The following TOPBP1 variants were observed in gnomAD, a reference collection of about 807,000 sequenced individuals.
TOPBP1 encodes the protein DNA topoisomerase II binding protein 1, also known as DNA topoisomerase 2-binding protein 1.
A neutral mutation model predicts 167.7 loss-of-function variants in TOPBP1; 28 were observed. That is an observed-to-expected ratio of 0.17 (90% CI 0.12 to 0.23). The LOEUF (loss-of-function observed/expected upper bound fraction) is 0.23. TOPBP1 is among the 10% of genes least tolerant of loss of function. The pLI, the probability that TOPBP1 is intolerant of heterozygous loss-of-function variation, is 1.00. For synonymous variants in TOPBP1, 598 were observed against 611.4 expected (o/e 0.98, Z 0.32); for missense variants, 1,554 against 1,809.6 (o/e 0.86, Z 2.56).
chr3:133,656,221 T>C (rs1936476294), intron 5 of TOPBP1, among the ~76,000 whole-genome samples: 1 of 152,026 alleles, frequency 6.6e-6, no homozygotes, highest in South Asian at 2.1e-4. Flanking sequence ...TCAATTAGCA[T>C]TTATTAAATG....
At chr3:133,647,749 CAG>C (rs1329336211) in intron 10 of TOPBP1, among the ~76,000 whole-genome samples, 5 of 152,014 alleles carry the variant, frequency 3.3e-5, no homozygotes, top group African/African-American at 7.2e-5. Context: ...ATTATTAAAA[CAG>C]AAAATTTAAT....
At chr3:133,653,582 C>T in intron 6 of TOPBP1, 58 bp from the exon 7 acceptor site, 1 of 1,354,892 alleles carries the variant, frequency 7.4e-7, no homozygotes, top group Non-Finnish European at 9.8e-7. Flanking sequence ...AAATGAAAAC[C>T]ATTACAATCT....
rs760258021 is a variant in TOPBP1, at chr3:133,640,087, C to T, written c.2105G>A (p.Gly702Asp). 1 of 1,613,828 alleles carries T rather than the reference C, an allele frequency of 6.2e-7. No homozygotes were observed. Among genetic ancestry groups the T allele is most frequent in the African/African-American group, 1.3e-5 (1 of 75,024 alleles). The change falls in exon 13 of 28, where the codon GGC (glycine) becomes GAC (aspartate). Residue 702 changes from glycine to aspartate, a missense_variant. Coordinates refer to ENST00000260810, the MANE Select transcript of TOPBP1 (RefSeq NM_007027.4). ...STHLILKERG[G>D]SKYEAAKKWN... ...CTTCTTTGCAGCTTCATATTTAGAGCCACCACGTTCTTTCAGTATAAGATG... is the reference window on the plus strand; with the variant it reads ...CTTCTTTGCAGCTTCATATTTAGAGTCACCACGTTCTTTCAGTATAAGATG...
At chr3:133,650,061 T>C (rs1279283135) in intron 8 of TOPBP1, 118 bp from the exon 9 acceptor site, 3 of 838,116 alleles carry the variant, frequency 3.6e-6, no homozygotes, top group East Asian at 3.1e-5. Context: ...ATTTAAGATA[T>C]ATGAATAAAT....
At chr3:133,648,720 C>T (rs1936170549) in intron 10 of TOPBP1, among the ~76,000 whole-genome samples, 1 of 152,130 alleles carries the variant, frequency 6.6e-6, no homozygotes, top group African/African-American at 2.4e-5. Flanking sequence ...ATCACTTGAA[C>T]CTGGGAGGCA....
chr3:133,612,757 AAAGT>A (rs71624022), intron 23 of TOPBP1, among the ~76,000 whole-genome samples: 12,070 of 152,242 alleles, frequency 0.079, 487 homozygotes, highest in Middle Eastern at 0.13. Flanking sequence ...TTTAAATACA[AAAGT>A]AAATAAAATA....
chr3:133,618,052 ATTATTT>A lies in TOPBP1; in HGVS notation c.3592+155_3592+160del, dbSNP rs373462311. ...ACTGATGAAGTACCTCAATTTACAA[ATTATTT>A]TTCTGGCTCAAGTTTAAACCAAAAC... On this transcript the variant is annotated intron_variant, in intron 21 of 27. Transcript: ENST00000260810. 5.4e-4 allele frequency: 334 copies of A among 621,072 alleles called. 6 individuals carry two copies. Among genetic ancestry groups the A allele is most frequent in the African/African-American group, 5.4e-3 (292 of 54,412 alleles). The allele number at this position is 621,072 out of a possible 1,614,324, so 38.5% of individuals were successfully genotyped here.
intron 27 of TOPBP1, among the ~76,000 whole-genome samples, chr3:133,603,318 C>G (rs577626376): frequency 6.6e-6 from 1 of 151,904 alleles, no homozygotes; most frequent in South Asian, 2.1e-4. Context: ...ACAAAAAAAG[C>G]CAAGAAAGAC....
chr3:133,628,499 T>A (rs1415746619), intron 15 of TOPBP1, 28 bp from the exon 16 acceptor site: 1 of 1,605,634 alleles, frequency 6.2e-7, no homozygotes. Flanking sequence ...AAGAAACAGA[T>A]CAGTCATTAT....
rs1936203853 is a variant in TOPBP1 at position 133,649,442 on chromosome 3, T to G, written c.1445A>C (p.Lys482Thr). The change falls in exon 10 of 28, where the codon AAG becomes ACG. Residue 482 changes from lysine to threonine, a missense_variant. Around this residue, in one of 3 missense-constraint regions of TOPBP1, gnomAD observed 1,197 missense variants for 1,351.5 expected, o/e 0.89. Transcript: ENST00000260810. Reference sequence around the variant, plus strand: ...CAGATCTTCATCAGCTTGCTCATGCTTTTCACTAGGAGCAAAGTCTTTCTT... The same window carrying G: ...CAGATCTTCATCAGCTTGCTCATGCGTTTCACTAGGAGCAAAGTCTTTCTT... The part of the protein sequence containing the change: ...FSKKDFAPSE[K>T]HEQADEDLLS... 6.2e-7 allele frequency: 1 copy of G among 1,613,904 alleles called. No homozygotes were observed. Among genetic ancestry groups the G allele is most frequent in the East Asian group, 2.2e-5 (1 of 44,866 alleles).
At chr3:133,611,194 G>T in intron 24 of TOPBP1, 53 bp from the exon 25 acceptor site, 1 of 1,565,878 alleles carries the variant, frequency 6.4e-7, no homozygotes. Flanking sequence ...GAGCCACTGT[G>T]CAACATACAG....
chr3:133,635,250 A>G (rs899382737), intron 14 of TOPBP1, among the ~76,000 whole-genome samples: 2 of 151,978 alleles, frequency 1.3e-5, no homozygotes, highest in Non-Finnish European at 2.9e-5. Context: ...ATGTCCAGCC[A>G]TCCTTGTACT....
At chr3:133,635,815 G>C (rs1227211072) in intron 14 of TOPBP1, among the ~76,000 whole-genome samples, 2 of 152,008 alleles carry the variant, frequency 1.3e-5, no homozygotes, top group Non-Finnish European at 2.9e-5. Flanking sequence ...TAGACTCCAA[G>C]AGACACGCAC....
intron 16 of TOPBP1, among the ~76,000 whole-genome samples, chr3:133,627,850 C>G (rs868493227): frequency 3.3e-5 from 5 of 151,032 alleles, no homozygotes; most frequent in African/African-American, 1.2e-4. Flanking sequence ...GAAGAAAAAT[C>G]TGACAATCTA....
intron 21 of TOPBP1, chr3:133,617,651 T>C (rs1449243615): frequency 1.6e-5 from 3 of 192,404 alleles, no homozygotes; most frequent in Non-Finnish European, 3.2e-5. Flanking sequence ...ATGAGAGCAA[T>C]TCTACACTTG....
At position 133,601,121 on chromosome 3, in the gene TOPBP1, A is replaced by G; in HGVS notation, c.*129T>C. ...AGGTGTTCAAAACTCAAGAAGGGTCATCATTATACTCTGAAGCAGAATTCT... is the reference window on the plus strand; with the variant it reads ...AGGTGTTCAAAACTCAAGAAGGGTCGTCATTATACTCTGAAGCAGAATTCT... On this transcript the variant is annotated 3_prime_UTR_variant, in exon 28 of 28. Coordinates refer to ENST00000260810, the MANE Select transcript of TOPBP1 (RefSeq NM_007027.4). 2 of 709,488 alleles carry G rather than the reference A, an allele frequency of 2.8e-6. No homozygotes were observed. The highest frequency in any genetic ancestry group is 4.5e-6 in the Non-Finnish European group (2 of 445,120). 43.9% of individuals were successfully genotyped at this position (709,488 alleles called of 1,614,324 possible). A position where few individuals can be genotyped will look rare whatever the true frequency, so the allele number is the denominator to read the frequency against.
chr3:133,607,131 A>G (rs1488979733), intron 27 of TOPBP1, among the ~76,000 whole-genome samples: 1 of 152,148 alleles, frequency 6.6e-6, no homozygotes, highest in African/African-American at 2.4e-5. Flanking sequence ...GAAGGCTTAC[A>G]CAGATTGAGT....
At chr3:133,643,054 A>T in intron 12 of TOPBP1, 146 bp downstream of exon 12, 1 of 659,138 alleles carries the variant, frequency 1.5e-6, no homozygotes, top group Non-Finnish European at 2.3e-6. Context: ...TAGTCAAGTG[A>T]AGCAGTGGGA....
chr3:133,618,355 T>C lies in TOPBP1; in HGVS notation c.3450A>G (p.Ala1150=). 1.9e-6 allele frequency: 3 copies of C among 1,613,968 alleles called. No individual in the cohort carries two copies. Residue 1150 remains alanine (A), a synonymous_variant, in exon 21 of 28, where the codon GCA becomes GCG. Transcript: ENST00000260810. ...NEQIIWDDPT[A]REERARLASN... ...TGGCAAGCCTTGCTCTCTCCTCCCT[T>C]GCTGTAGGGTCATCCCAAATGATCT...
Sources: gnomAD v4.1 joint callset for allele counts (sites outside exome capture counted in the v4.1 genomes callset) on GRCh38, gnomAD v4.1.1 for gene constraint, gnomAD v4.1.1 regional missense constraint, MANE v1.5 for transcripts, NCBI Gene and HGNC (gene_info 2026-07-23, HGNC 2026-07-21) for gene names.